The following SDK1 variants were observed in gnomAD, a reference collection of about 807,000 sequenced individuals.
SDK1 encodes protein sidekick-1.
A neutral mutation model predicts 245.5 loss-of-function variants in SDK1; 157 were observed. The ratio of observed to expected loss-of-function variants is 0.64; its 90% confidence interval spans 0.56 to 0.73. The LOEUF (loss-of-function observed/expected upper bound fraction) is 0.73. Ranked by LOEUF, SDK1 falls within the 30% of genes least tolerant of loss-of-function variation. The pLI is 0.00. For missense variants in SDK1, 3,583 were observed against 3,002.3 expected (o/e 1.19, Z -4.52); for synonymous variants, 1,647 against 1,278.5 (o/e 1.29, Z -6.15).
chr7:3,639,380 C>G (rs1186520908), intron 3 of SDK1, among the ~76,000 whole-genome samples: 1 of 152,136 alleles, frequency 6.6e-6, no homozygotes, highest in African/African-American at 2.4e-5. Context: ...AATGGGGTGC[C>G]TTCTGTTTTA....
chr7:3,836,038 G>A (rs377054689), intron 5 of SDK1, among the ~76,000 whole-genome samples: 1 of 152,192 alleles, frequency 6.6e-6, no homozygotes, highest in East Asian at 1.9e-4. Context: ...GAAAATATGG[G>A]AGATTTCTCA....
Position 4,104,602 on chromosome 7 carries a change from C to T in SDK1, c.3325-6061C>T, listed in dbSNP as rs578258139. On this transcript the variant is annotated intron_variant, in intron 22 of 44. Coordinates refer to ENST00000404826, the MANE Select transcript of SDK1 (RefSeq NM_152744.4). ...CTCTACATACTTTGACATATATTCC[C>T]CTCCGAACCAGTTTTACCATCTTAC... 1.2e-3 allele frequency among the ~76,000 whole-genome samples: 176 copies of T among 152,272 alleles called. 3 individuals are homozygous for T. The highest frequency in any genetic ancestry group is 4.0e-3 in the African/African-American group (167 of 41,554).
chr7:4,024,134 C>G (rs1273204374), intron 17 of SDK1, among the ~76,000 whole-genome samples: 1 of 152,026 alleles, frequency 6.6e-6, no homozygotes, highest in African/African-American at 2.4e-5. Context: ...ATTCTGGTTT[C>G]AGAACATTAC....
At chr7:3,765,008 A>T (rs1016850921) in intron 4 of SDK1, among the ~76,000 whole-genome samples, 11 of 152,184 alleles carry the variant, frequency 7.2e-5, no homozygotes, top group African/African-American at 2.2e-4. Flanking sequence ...GTATCTCAGT[A>T]TAAAATGTAA....
intron 2 of SDK1, among the ~76,000 whole-genome samples, chr7:3,636,077 A>T (rs2128649829): frequency 6.6e-6 from 1 of 152,320 alleles, no homozygotes; most frequent in Admixed American, 6.5e-5. Flanking sequence ...AACATAGAAA[A>T]AGCTGTACAT....
rs200914826 is a variant in SDK1 at position 3,418,145 on chromosome 7, G to GAAAAAAAAAAAAAAA, written c.298+116270_298+116284dup. On this transcript the variant is annotated intron_variant, in intron 1 of 44. Coordinates refer to ENST00000404826, the MANE Select transcript of SDK1 (RefSeq NM_152744.4). Reference sequence around the variant, plus strand: ...GTGAAACCCGATCTCTACTAAAAATGAAAAAAAAAAAAAAAAAAAAAAATA... The same window carrying GAAAAAAAAAAAAAAA: ...GTGAAACCCGATCTCTACTAAAAATGAAAAAAAAAAAAAAAAAAAAAAAAAAAAAAAAAAAAAATA... Among the ~76,000 whole-genome samples, 117 of 119,704 alleles carry GAAAAAAAAAAAAAAA rather than the reference G, an allele frequency of 9.8e-4. 6 individuals carry two copies. The highest frequency in any genetic ancestry group is 4.3e-3 in the African/African-American group (112 of 25,764). The allele number at this position is 119,704 out of a possible 152,430, so 78.5% of individuals were successfully genotyped here.
rs79917608 is a variant in SDK1 at position 3,551,073 on chromosome 7, C to T, written c.299-68007C>T. Reference sequence around the variant, plus strand: ...TATTTAAGGACCTAACCTACTTTTACATCCTGCAAACTATTTTTTTTAAAT... The same window carrying T: ...TATTTAAGGACCTAACCTACTTTTATATCCTGCAAACTATTTTTTTTAAAT... On this transcript the variant is annotated intron_variant, in intron 1 of 44. Transcript: ENST00000404826. Among the ~76,000 whole-genome samples the T allele has an allele frequency of 4.3e-3, 649 of 152,284 alleles. 6 individuals are homozygous for T. Among genetic ancestry groups the T allele is most frequent in the African/African-American group, 0.015 (608 of 41,554 alleles).
intron 5 of SDK1, among the ~76,000 whole-genome samples, chr7:3,900,325 C>A (rs546332980): frequency 6.6e-6 from 1 of 152,206 alleles, no homozygotes; most frequent in Non-Finnish European, 1.5e-5. Context: ...CCAACATGTT[C>A]TGCCTGAACA....
At chr7:4,011,811 G>C (rs1785988747) in intron 15 of SDK1, among the ~76,000 whole-genome samples, 1 of 152,172 alleles carries the variant, frequency 6.6e-6, no homozygotes, top group Non-Finnish European at 1.5e-5. Flanking sequence ...GACGCATTCA[G>C]GCTTGCAGTC....
At chr7:3,439,262 T>G (rs929601651) in intron 1 of SDK1, among the ~76,000 whole-genome samples, 17 of 152,162 alleles carry the variant, frequency 1.1e-4, no homozygotes, top group African/African-American at 4.1e-4. Flanking sequence ...CTCTTTTATT[T>G]CCCCTGAGTG....
chr7:3,355,364 G>A (rs1336249442), intron 1 of SDK1, among the ~76,000 whole-genome samples: 1 of 152,178 alleles, frequency 6.6e-6, no homozygotes, highest in Non-Finnish European at 1.5e-5. Context: ...TGCCTGGGGT[G>A]GAGTGCAATG....
chr7:4,268,829 G>A lies in SDK1; in HGVS notation c.*3445G>A, dbSNP rs1004698976. 38 of 1,076,978 alleles carry A rather than the reference G, an allele frequency of 3.5e-5. No individual in the cohort carries two copies. Among genetic ancestry groups the A allele is most frequent in the Admixed American group, 1.2e-4 (6 of 51,500 alleles). The allele number at this position is 1,076,978 out of a possible 1,614,324, so 66.7% of individuals were successfully genotyped here. On this transcript the variant is annotated 3_prime_UTR_variant, in exon 45 of 45. Transcript: ENST00000404826. Reference sequence around the variant, plus strand: ...GCCCGCTGGGACACGTCTCCTTCCCGCGTCACCTTCTGGTTTAGGGAGCCG... The same window carrying A: ...GCCCGCTGGGACACGTCTCCTTCCCACGTCACCTTCTGGTTTAGGGAGCCG...
chr7:3,531,808 A>G lies in SDK1; in HGVS notation c.299-87272A>G, dbSNP rs535190060. Among the ~76,000 whole-genome samples the G allele has an allele frequency of 1.6e-3, 239 of 152,354 alleles. 2 individuals carry two copies. Among genetic ancestry groups the G allele is most frequent in the African/African-American group, 5.3e-3 (222 of 41,584 alleles). ...GAACAATGTAAAGTGTTACAGAGTC[A>G]TATTTTAAATATACAAAGAGTTCAT... On this transcript the variant is annotated intron_variant, in intron 1 of 44. Transcript: ENST00000404826.
rs1562538532 is a variant in SDK1 at position 3,523,804 on chromosome 7, C to G, written c.299-95276C>G. On this transcript the variant is annotated intron_variant, in intron 1 of 44. Transcript: ENST00000404826. ...TTAATTTTTTAAATATTCTACCAGC[C>G]AATTTAGTCTCTTTGTTCTAATTTC... 2.0e-5 allele frequency among the ~76,000 whole-genome samples: 3 copies of G among 152,270 alleles called. No homozygotes were observed. In the South Asian group the frequency reaches 6.2e-4, roughly 32 times the overall value.
At chr7:4,211,672 C>G (rs1035204211) in intron 38 of SDK1, among the ~76,000 whole-genome samples, 1 of 152,110 alleles carries the variant, frequency 6.6e-6, no homozygotes, top group African/African-American at 2.4e-5. Flanking sequence ...TGCAGTGGCA[C>G]GATTTCTGCT....
chr7:3,561,517 A>G (rs1043884594), intron 1 of SDK1, among the ~76,000 whole-genome samples: 5 of 152,184 alleles, frequency 3.3e-5, no homozygotes, highest in African/African-American at 9.7e-5. Context: ...CCCTGTGGGT[A>G]GGCCACCCCT....
intron 1 of SDK1, among the ~76,000 whole-genome samples, chr7:3,355,886 T>G (rs1420878608): frequency 6.6e-6 from 1 of 152,182 alleles, no homozygotes; most frequent in Non-Finnish European, 1.5e-5. Context: ...TAGAGTGAAC[T>G]TGATCCTGCT....
chr7:3,820,508 C>G (rs377653192), intron 4 of SDK1, among the ~76,000 whole-genome samples: 71 of 152,254 alleles, frequency 4.7e-4, no homozygotes, highest in African/African-American at 1.6e-3. Flanking sequence ...AAAAAGAATA[C>G]GGAATTATAA....
At chr7:3,426,035 T>A (rs967545011) in intron 1 of SDK1, among the ~76,000 whole-genome samples, 1 of 152,246 alleles carries the variant, frequency 6.6e-6, no homozygotes, top group Non-Finnish European at 1.5e-5. Context: ...AAAATTACTT[T>A]TTATTTGTCT....
Sources: allele counts gnomAD v4.1 joint callset (sites outside exome capture counted in the v4.1 genomes callset), GRCh38; gene constraint gnomAD v4.1.1; transcripts MANE v1.5; gene names NCBI Gene and HGNC (gene_info 2026-07-23, HGNC 2026-07-21).